The following RSRC1 variants were observed in gnomAD, a reference collection of about 807,000 sequenced individuals.
RSRC1 encodes the protein serine/Arginine-related protein 53.
A neutral mutation model predicts 49.1 loss-of-function variants in RSRC1; 39 were observed. That is an observed-to-expected ratio of 0.79 (90% CI 0.61 to 1.04). The LOEUF (loss-of-function observed/expected upper bound fraction) is 1.04, where lower values mean the gene tolerates loss of function less well. Among genes scored for constraint, RSRC1 ranks in the 50% least tolerant of loss-of-function variants. The pLI is 0.00. For synonymous variants in RSRC1, 143 were observed against 130.8 expected (o/e 1.09, Z -0.63); for missense variants, 388 against 402.4 (o/e 0.96, Z 0.31).
intron 7 of RSRC1, among the ~76,000 whole-genome samples, chr3:158,514,655 C>T (rs999641557): frequency 2.0e-5 from 3 of 152,020 alleles, no homozygotes; most frequent in African/African-American, 7.2e-5. Context: ...GAGCTGAGTT[C>T]AATTCCTCGG....
At chr3:158,208,294 G>A (rs531090060) in intron 4 of RSRC1, among the ~76,000 whole-genome samples, 1 of 152,026 alleles carries the variant, frequency 6.6e-6, no homozygotes, top group South Asian at 2.1e-4. Context: ...AAAAGTGAAA[G>A]CAATTTATTA....
intron 7 of RSRC1, among the ~76,000 whole-genome samples, chr3:158,503,436 G>A (rs1213541110): frequency 6.6e-6 from 1 of 152,128 alleles, no homozygotes; most frequent in African/African-American, 2.4e-5. Flanking sequence ...TGGTGGGCGG[G>A]GCCCTAGAAC....
intron 7 of RSRC1, among the ~76,000 whole-genome samples, chr3:158,501,074 G>C (rs1739570545): frequency 6.6e-6 from 1 of 152,106 alleles, no homozygotes; most frequent in African/African-American, 2.4e-5. Flanking sequence ...CTGTCATTCA[G>C]TTCGAAGAAT....
At chr3:158,294,182 A>G (rs1388623551) in intron 4 of RSRC1, among the ~76,000 whole-genome samples, 2 of 151,486 alleles carry the variant, frequency 1.3e-5, no homozygotes, top group African/African-American at 4.9e-5. Context: ...CCTGTTCTTA[A>G]TTCTATCAGT....
In RSRC1 at chr3:158,364,142, T is replaced by C. The variant is rs1448492920; in HGVS notation, c.583+9234T>C. 2.0e-5 allele frequency among the ~76,000 whole-genome samples: 3 copies of C among 152,190 alleles called. No homozygotes were observed. In the East Asian group the frequency reaches 5.8e-4, roughly 29 times the overall value. On this transcript the variant is annotated intron_variant, in intron 6 of 9. Coordinates refer to ENST00000611884, the MANE Select transcript of RSRC1 (RefSeq NM_001271838.2). Reference sequence around the variant, plus strand: ...TAGGACTCCCAACACTTCTCTAAAGTCCGTTGTAGTGTTAAATATGTGTAA... The same window carrying C: ...TAGGACTCCCAACACTTCTCTAAAGCCCGTTGTAGTGTTAAATATGTGTAA...
At chr3:158,536,970 A>G (rs568959342) in intron 7 of RSRC1, 122 bp from the exon 8 acceptor site, 47 of 646,300 alleles carry the variant, frequency 7.3e-5, no homozygotes, top group Non-Finnish European at 1.1e-4. Flanking sequence ...GTTTCTTGTT[A>G]TAGCTTAATT....
At chr3:158,498,409 ATTGTT>A (rs764091043) in intron 7 of RSRC1, among the ~76,000 whole-genome samples, 36 of 151,812 alleles carry the variant, frequency 2.4e-4, no homozygotes, top group Non-Finnish European at 4.4e-4. Flanking sequence ...TTTTGATGGC[ATTGTT>A]TTGTTTTGTT....
chr3:158,379,024 G>C (rs12632998), intron 6 of RSRC1, among the ~76,000 whole-genome samples: 65,172 of 151,616 alleles, frequency 0.43, 14,860 homozygotes, highest in South Asian at 0.6. Flanking sequence ...TACAATCTTT[G>C]TTCTCACTGC....
At chr3:158,298,104 G>T in intron 5 of RSRC1, 29 bp downstream of exon 5, 1 of 1,545,854 alleles carries the variant, frequency 6.5e-7, no homozygotes. Context: ...TTGAACATTT[G>T]CATCATCTTT....
At chr3:158,164,286 A>G (rs971219030) in intron 3 of RSRC1, among the ~76,000 whole-genome samples, 3 of 152,102 alleles carry the variant, frequency 2.0e-5, no homozygotes, top group African/African-American at 7.2e-5. Context: ...CTATAGCTTT[A>G]TTATTAACTG....
intron 3 of RSRC1, 99 bp from the exon 4 acceptor site, chr3:158,202,973 T>C: frequency 1.1e-6 from 1 of 903,828 alleles, no homozygotes; most frequent in Non-Finnish European, 1.6e-6. Context: ...AGTCCACAAC[T>C]AAAACTAAGT....
rs144254947 is a variant in RSRC1 at position 158,200,425 on chromosome 3, C to T, written c.321-2647C>T. ...TGTAGTTGTTGTTTTAGATGGCATA[C>T]AGTATTGCTTTTTATTAATTTGACA... is the stretch of plus-strand genomic sequence containing the variant. On this transcript the variant is annotated intron_variant, in intron 3 of 9. Coordinates refer to ENST00000611884, the MANE Select transcript of RSRC1 (RefSeq NM_001271838.2). 2.6e-3 allele frequency among the ~76,000 whole-genome samples: 398 copies of T among 152,216 alleles called. 4 individuals carry two copies. Among genetic ancestry groups the T allele is most frequent in the African/African-American group, 9.1e-3 (380 of 41,554 alleles).
At chr3:158,395,429 G>A (rs1045593797) in intron 6 of RSRC1, among the ~76,000 whole-genome samples, 8 of 151,880 alleles carry the variant, frequency 5.3e-5, no homozygotes, top group African/African-American at 1.9e-4. Flanking sequence ...TGCAAACTAC[G>A]CATCTGACAA....
At chr3:158,217,221 T>C (rs1479335735) in intron 4 of RSRC1, among the ~76,000 whole-genome samples, 1 of 151,664 alleles carries the variant, frequency 6.6e-6, no homozygotes, top group African/African-American at 2.4e-5. Flanking sequence ...ATATGACTCT[T>C]TGAGAATATG....
intron 5 of RSRC1, among the ~76,000 whole-genome samples, chr3:158,339,595 T>C (rs1011500579): frequency 1.8e-4 from 28 of 152,186 alleles, no homozygotes; most frequent in African/African-American, 5.3e-4. Context: ...GAATCCTTCC[T>C]AAGAGATAGA....
intron 6 of RSRC1, among the ~76,000 whole-genome samples, chr3:158,408,768 G>A (rs1351868946): frequency 6.6e-6 from 1 of 151,964 alleles, no homozygotes; most frequent in Non-Finnish European, 1.5e-5. Flanking sequence ...GTGGTGGCTC[G>A]TGCCTGTAAT....
rs773626652 is a variant in RSRC1, at chr3:158,542,387, C to T, written c.760-948C>T. Among the ~76,000 whole-genome samples, 29 of 152,132 alleles carry T rather than the reference C, an allele frequency of 1.9e-4. No homozygotes were observed. The East Asian group carries it at 2.1e-3, about 11-fold the overall frequency. ...CTCTACTGAAAATACAAAAATTAGC[C>T]GAGTGTGCATGGTGGTGTGCACCTG... On this transcript the variant is annotated intron_variant, in intron 8 of 9. Transcript: ENST00000611884.
At chr3:158,256,376 A>G (rs895950221) in intron 4 of RSRC1, among the ~76,000 whole-genome samples, 1 of 152,130 alleles carries the variant, frequency 6.6e-6, no homozygotes, top group African/African-American at 2.4e-5. Context: ...TGATTTGCGT[A>G]TGTTGAACTA....
rs984655125 is a variant in RSRC1, at chr3:158,497,181, C to T, written c.652+36178C>T. ...TTTTTCATCTTGCAAAACTGAAACT[C>T]TATACCCATTAAACTATAACTCCCC... On this transcript the variant is annotated intron_variant, in intron 7 of 9. Coordinates refer to ENST00000611884, the MANE Select transcript of RSRC1 (RefSeq NM_001271838.2). Among the ~76,000 whole-genome samples, 134 of 152,094 alleles carry T rather than the reference C, an allele frequency of 8.8e-4. 1 individual carries two copies. Among genetic ancestry groups the T allele is most frequent in the Admixed American group, 2.3e-3 (35 of 15,290 alleles).
Sources: allele counts gnomAD v4.1 joint callset (sites outside exome capture counted in the v4.1 genomes callset), GRCh38; gene constraint gnomAD v4.1.1; transcripts MANE v1.5; gene names NCBI Gene and HGNC (gene_info 2026-07-23, HGNC 2026-07-21).